NAALADL2: variants seen among roughly 807,000 people sequenced by gnomAD.
NAALADL2 encodes the protein N-acetylated alpha-linked acidic dipeptidase like 2.
In NAALADL2, 76 loss-of-function variants were observed where a neutral mutation model predicts 87.2. The observed-to-expected ratio is 0.87, with a 90% CI of 0.72 to 1.05. The LOEUF is 1.05. Ranked by LOEUF, NAALADL2 falls within the 50% of genes least tolerant of loss-of-function variation. The pLI, the probability that NAALADL2 is intolerant of heterozygous loss-of-function variation, is 0.00. For synonymous variants in NAALADL2, 354 were observed against 331.0 expected (o/e 1.07, Z -0.75); for missense variants, 1,089 against 945.8 (o/e 1.15, Z -1.99).
At chr3:175,741,211 A>C (rs1221398807) in intron 12 of NAALADL2, among the ~76,000 whole-genome samples, 1 of 152,168 alleles carries the variant, frequency 6.6e-6, no homozygotes, top group African/African-American at 2.4e-5. Context: ...TCCAAGATCA[A>C]AGCATCAGCA....
intron 1 of NAALADL2, among the ~76,000 whole-genome samples, chr3:174,531,009 A>C (rs754446800): frequency 1.3e-5 from 2 of 152,238 alleles, no homozygotes; most frequent in Non-Finnish European, 2.9e-5. Context: ...CCTACAGTTC[A>C]TATGACTTCT....
intron 5 of NAALADL2, among the ~76,000 whole-genome samples, chr3:175,442,578 T>C (rs1335825131): frequency 6.6e-6 from 1 of 152,192 alleles, no homozygotes; most frequent in East Asian, 1.9e-4. Context: ...GTGAAATTAT[T>C]TATTTGTAAC....
Position 175,794,314 on chromosome 3 carries a change from AGAGAT to A in NAALADL2, c.2190-8690_2190-8686del, listed in dbSNP as rs148740406. 9.6e-3 allele frequency among the ~76,000 whole-genome samples: 1,467 copies of A among 152,252 alleles called. 31 individuals carry two copies. Among genetic ancestry groups the A allele is most frequent in the African/African-American group, 0.034 (1,401 of 41,552 alleles). ...AAATATTGAGTTTGAGTTCATACAT[AGAGAT>A]AAGATGAAAGAAAATGGTCGCGATG... On this transcript the variant is annotated intron_variant, in intron 13 of 13. Transcript: ENST00000454872.
intron 2 of NAALADL2, among the ~76,000 whole-genome samples, chr3:175,230,572 T>C (rs1418122179): frequency 2.0e-5 from 3 of 151,996 alleles, no homozygotes; most frequent in Non-Finnish European, 4.4e-5. Context: ...GGATATAATT[T>C]TACCCTCATT....
chr3:174,830,862 T>G (rs574885680), intron 3 of NAALADL2, among the ~76,000 whole-genome samples: 76 of 152,068 alleles, frequency 5.0e-4, no homozygotes, highest in East Asian at 4.7e-3. Flanking sequence ...TTATTCTCTT[T>G]GAAGCAATTG....
rs552173483 is a variant in NAALADL2, at chr3:175,354,316, A to T, written c.1090+29991A>T. Reference sequence around the variant, plus strand: ...TGAACAGACTAAAGGATATTCTGAAATGTATTATAGATTCAAAAATCAAGT... The same window carrying T: ...TGAACAGACTAAAGGATATTCTGAATTGTATTATAGATTCAAAAATCAAGT... On this transcript the variant is annotated intron_variant, in intron 5 of 13. Coordinates refer to ENST00000454872, the MANE Select transcript of NAALADL2 (RefSeq NM_207015.3). 8.5e-5 allele frequency among the ~76,000 whole-genome samples: 13 copies of T among 152,306 alleles called. No homozygotes were observed. In the East Asian group the frequency reaches 2.5e-3, roughly 29 times the overall value.
chr3:175,481,335 CTGTGTGTGTGTGTG>C (rs3040504), intron 9 of NAALADL2, among the ~76,000 whole-genome samples: 1 of 143,904 alleles, frequency 6.9e-6, no homozygotes, highest in Non-Finnish European at 1.5e-5. Flanking sequence ...AACAATGCCA[CTGTGTGTGTGTGTG>C]TGTGTGTGTG....
At chr3:175,064,536 A>C (rs989563964) in intron 1 of NAALADL2, among the ~76,000 whole-genome samples, 5 of 152,128 alleles carry the variant, frequency 3.3e-5, no homozygotes, top group Admixed American at 3.3e-4. Flanking sequence ...GTTAGGTAGA[A>C]GACATCACTG....
At chr3:175,154,310 A>G (rs893160422) in intron 2 of NAALADL2, among the ~76,000 whole-genome samples, 4 of 152,176 alleles carry the variant, frequency 2.6e-5, no homozygotes, top group Admixed American at 1.3e-4. Context: ...AATTATAAGC[A>G]TAATAATATG....
Position 175,039,236 on chromosome 3 carries a change from G to T in NAALADL2, c.44-57554G>T, listed in dbSNP as rs919434811. ...TGCTAGAGAGCAGTGGCACAAACTC[G>T]GCTCACTGCAACCTCTGCCTCCTGG... On this transcript the variant is annotated intron_variant, in intron 1 of 13. Coordinates refer to ENST00000454872, the MANE Select transcript of NAALADL2 (RefSeq NM_207015.3). Among the ~76,000 whole-genome samples, 8 of 152,082 alleles carry T rather than the reference G, an allele frequency of 5.3e-5. No homozygotes were observed. In the East Asian group the frequency reaches 1.2e-3, roughly 22 times the overall value.
rs140151263 is a variant in NAALADL2 at position 174,686,428 on chromosome 3, T to C, written c.-114-51213T>C. 2.5e-3 allele frequency among the ~76,000 whole-genome samples: 379 copies of C among 152,316 alleles called. 1 individual carries two copies. Among genetic ancestry groups the C allele is most frequent in the Non-Finnish European group, 4.8e-3 (328 of 68,012 alleles). The stretch of plus-strand genomic sequence containing the variant: ...ACTGGTGTGAGATGGGATCTCATTG[T>C]GGTTTTGATTTGCATTTCTTTGATG... On this transcript the variant is annotated intron_variant, in intron 2 of 3. Coordinates refer to the NAALADL2 transcript ENST00000434257.
intron 4 of NAALADL2, among the ~76,000 whole-genome samples, chr3:175,267,834 C>G (rs939685207): frequency 3.3e-5 from 5 of 152,124 alleles, no homozygotes; most frequent in Admixed American, 6.6e-5. Flanking sequence ...AGTCCCAGCT[C>G]TACTATTTAA....
At chr3:175,452,468 A>G (rs1721726644) in intron 6 of NAALADL2, among the ~76,000 whole-genome samples, 1 of 152,206 alleles carries the variant, frequency 6.6e-6, no homozygotes, top group South Asian at 2.1e-4. Flanking sequence ...GGGCTTTAAT[A>G]ATATTGATTA....
At chr3:174,623,684 G>GT (rs59594964) in intron 2 of NAALADL2, among the ~76,000 whole-genome samples, 3,995 of 151,900 alleles carry the variant, frequency 0.026, 101 homozygotes, top group African/African-American at 0.065. Flanking sequence ...TACCCATGCA[G>GT]TTTAACCCAT....
intron 10 of NAALADL2, among the ~76,000 whole-genome samples, chr3:175,614,777 A>G (rs1036206346): frequency 6.6e-6 from 1 of 152,254 alleles, no homozygotes; most frequent in African/African-American, 2.4e-5. Flanking sequence ...GTCCTGACAC[A>G]AGATATGCAA....
chr3:175,489,139 T>C (rs1368686088), intron 9 of NAALADL2, among the ~76,000 whole-genome samples: 2 of 152,074 alleles, frequency 1.3e-5, no homozygotes, highest in South Asian at 2.1e-4. Context: ...AAACTAAGGG[T>C]AGCATAAAAA....
At chr3:175,184,301 A>T (rs1275687359) in intron 2 of NAALADL2, among the ~76,000 whole-genome samples, 1 of 152,128 alleles carries the variant, frequency 6.6e-6, no homozygotes, top group East Asian at 1.9e-4. Context: ...AAAGCTTGAG[A>T]TGCAGATTGA....
intron 1 of NAALADL2, among the ~76,000 whole-genome samples, chr3:174,945,928 C>T (rs1356994661): frequency 6.6e-6 from 1 of 151,358 alleles, no homozygotes; most frequent in African/African-American, 2.4e-5. Flanking sequence ...CACCTGCGGT[C>T]CCAGCTGATT....
chr3:175,162,645 A>C (rs1733396337), intron 2 of NAALADL2, among the ~76,000 whole-genome samples: 1 of 152,186 alleles, frequency 6.6e-6, no homozygotes, highest in Admixed American at 6.6e-5. Flanking sequence ...GATTCTTGCC[A>C]GGAACCAGCA....
Sources: gnomAD v4.1 joint callset for allele counts (sites outside exome capture counted in the v4.1 genomes callset) on GRCh38, gnomAD v4.1.1 for gene constraint, MANE v1.5 for transcripts, NCBI Gene and HGNC (gene_info 2026-07-23, HGNC 2026-07-21) for gene names.